The following MYOCD variants were observed in gnomAD, a reference collection of about 807,000 sequenced individuals.
MYOCD encodes myocardin.
Under a neutral mutation model 96.1 loss-of-function variants are expected in MYOCD, and 32 were observed. That is an observed-to-expected ratio of 0.33 (90% CI 0.25 to 0.45). The LOEUF is 0.45. Among genes scored for constraint, MYOCD ranks in the 20% least tolerant of loss-of-function variants. The pLI is 1.00. For missense variants in MYOCD, 1,133 were observed against 1,200.6 expected (o/e 0.94, Z 0.83); for synonymous variants, 469 against 469.0 (o/e 1.00, Z 0.00).
intron 1 of MYOCD, among the ~76,000 whole-genome samples, chr17:12,678,857 G>A (rs1910268992): frequency 7.0e-6 from 1 of 142,730 alleles, no homozygotes. Flanking sequence ...CACCACACCT[G>A]GCTAATTTTT....
chr17:12,745,498 C>T (rs1360756937), intron 8 of MYOCD, among the ~76,000 whole-genome samples: 3 of 152,234 alleles, frequency 2.0e-5, no homozygotes, highest in Non-Finnish European at 2.9e-5. Flanking sequence ...CATGAGCCAC[C>T]GTGCCTGGCC....
chr17:12,732,648 G>A (rs534148217), intron 5 of MYOCD, among the ~76,000 whole-genome samples: 1 of 152,266 alleles, frequency 6.6e-6, no homozygotes, highest in African/African-American at 2.4e-5. Context: ...TGGGAAGGCT[G>A]GAGTTAAACG....
intron 12 of MYOCD, among the ~76,000 whole-genome samples, chr17:12,758,758 A>G (rs2033085465): frequency 6.6e-6 from 1 of 152,196 alleles, no homozygotes; most frequent in African/African-American, 2.4e-5. Context: ...TAAGAAAAAG[A>G]AAAAACAAGG....
chr17:12,721,021 T>TAAA (rs760458241), intron 4 of MYOCD, among the ~76,000 whole-genome samples: 45 of 107,544 alleles, frequency 4.2e-4, no homozygotes, highest in East Asian at 3.4e-3. Context: ...GACTCTGTCT[T>TAAA]AAAAAAAAAA....
At chr17:12,697,421 G>A (rs2030826236) in intron 1 of MYOCD, among the ~76,000 whole-genome samples, 1 of 139,242 alleles carries the variant, frequency 7.2e-6, no homozygotes, top group South Asian at 2.3e-4. Context: ...GGAGTGCAGT[G>A]GCGCAATCTT....
intron 2 of MYOCD, among the ~76,000 whole-genome samples, chr17:12,714,332 C>CACACAT (rs1266816631): frequency 6.6e-6 from 1 of 150,704 alleles, no homozygotes; most frequent in Non-Finnish European, 1.5e-5. Context: ...TGCACACACA[C>CACACAT]ACACACACAC....
chr17:12,697,907 TC>T (rs1358577402), intron 1 of MYOCD, among the ~76,000 whole-genome samples: 1 of 152,182 alleles, frequency 6.6e-6, no homozygotes, highest in Non-Finnish European at 1.5e-5. Flanking sequence ...ATATATAGTT[TC>T]CCAACTATTT....
chr17:12,699,850 A>T (rs910116153), intron 1 of MYOCD, among the ~76,000 whole-genome samples: 1 of 151,144 alleles, frequency 6.6e-6, no homozygotes, highest in African/African-American at 2.4e-5. Flanking sequence ...ATATCCAAAG[A>T]TCCCAGACTA....
chr17:12,691,721 T>C (rs538982153), intron 1 of MYOCD, among the ~76,000 whole-genome samples: 11 of 152,344 alleles, frequency 7.2e-5, no homozygotes, highest in Non-Finnish European at 1.6e-4. Context: ...GTTACTGTTT[T>C]CTCATCCAAA....
intron 1 of MYOCD, among the ~76,000 whole-genome samples, chr17:12,683,460 C>T (rs1035153006): frequency 5.3e-5 from 8 of 152,086 alleles, no homozygotes; most frequent in African/African-American, 1.4e-4. Flanking sequence ...CTCTCGTGCG[C>T]GCGCGCTCTC....
chr17:12,719,138 G>A (rs118032939), intron 4 of MYOCD, among the ~76,000 whole-genome samples: 9,916 of 127,426 alleles, frequency 0.078, 517 homozygotes, highest in Admixed American at 0.2. Flanking sequence ...TCGCGCCACC[G>A]CACTCCAGCC....
At chr17:12,739,395 C>T in intron 7 of MYOCD, 67 bp downstream of exon 7, 1 of 1,474,282 alleles carries the variant, frequency 6.8e-7, no homozygotes, top group Non-Finnish European at 9.0e-7. Flanking sequence ...TGGAGCAGAA[C>T]TTTCTGAGTT....
At chr17:12,679,641 T>C (rs1910330681) in intron 1 of MYOCD, among the ~76,000 whole-genome samples, 1 of 152,180 alleles carries the variant, frequency 6.6e-6, no homozygotes, top group Admixed American at 6.5e-5. Context: ...GGATGCTCTT[T>C]GCAGTGGTAT....
intron 13 of MYOCD, chr17:12,762,771 T>C (rs2033216733): frequency 1.4e-5 from 4 of 281,622 alleles, no homozygotes; most frequent in Non-Finnish European, 2.0e-5. Flanking sequence ...AGGCCCTCAC[T>C]GATGGTGTTG....
At chr17:12,750,180 G>A (rs1435415532) in intron 9 of MYOCD, among the ~76,000 whole-genome samples, 1 of 152,000 alleles carries the variant, frequency 6.6e-6, no homozygotes, top group Non-Finnish European at 1.5e-5. Flanking sequence ...GAACATTTAT[G>A]TGTCTGTTCC....
chr17:12,732,737 T>G (rs1028810970), intron 5 of MYOCD, among the ~76,000 whole-genome samples: 1 of 152,144 alleles, frequency 6.6e-6, no homozygotes, highest in Non-Finnish European at 1.5e-5. Flanking sequence ...ATACTCAACT[T>G]CTAGACTTTT....
chr17:12,728,056 C>T (rs951787211), intron 5 of MYOCD, among the ~76,000 whole-genome samples: 2 of 152,138 alleles, frequency 1.3e-5, no homozygotes, highest in African/African-American at 4.8e-5. Flanking sequence ...CGTAGAAAAC[C>T]GCTTATCAGG....
chr17:12,683,228 C>T (rs905935001), intron 1 of MYOCD, among the ~76,000 whole-genome samples: 7 of 152,128 alleles, frequency 4.6e-5, no homozygotes, highest in African/African-American at 1.7e-4. Context: ...TTCAGTCTGG[C>T]TTGAGGGATG....
chr17:12,707,029 G>T (rs11078088), intron 2 of MYOCD, among the ~76,000 whole-genome samples: 29,474 of 152,028 alleles, frequency 0.19, 4,185 homozygotes, highest in African/African-American at 0.39. Context: ...CCAAGTCACG[G>T]CTGGTGCACA....
Sources: allele counts gnomAD v4.1 joint callset (sites outside exome capture counted in the v4.1 genomes callset), GRCh38; gene constraint gnomAD v4.1.1; transcripts MANE v1.5; gene names NCBI Gene and HGNC (gene_info 2026-07-23, HGNC 2026-07-21).